Variants in GRHL2 observed in about 807,000 individuals in gnomAD.
The protein encoded by GRHL2 is grainyhead-like protein 2 homolog.
GRHL2 carries 21 observed loss-of-function variants against 83.8 expected under a neutral mutation model. That is an observed-to-expected ratio of 0.25 (90% confidence interval 0.18 to 0.36). The LOEUF is 0.36. GRHL2 is among the 10% of genes least tolerant of loss of function. GRHL2 has a pLI of 1.00. For missense variants in GRHL2, 623 were observed against 781.8 expected (o/e 0.80, Z 2.42); for synonymous variants, 280 against 278.9 (o/e 1.00, Z -0.04).
chr8:101,596,591 G>A (rs1480345199), intron 7 of GRHL2, among the ~76,000 whole-genome samples: 1 of 152,168 alleles, frequency 6.6e-6, no homozygotes, highest in Non-Finnish European at 1.5e-5. Flanking sequence ...GCCATTAAAA[G>A]TAATTTTACA....
At chr8:101,616,166 T>TTC (rs779881380) in intron 8 of GRHL2, among the ~76,000 whole-genome samples, 8 of 149,794 alleles carry the variant, frequency 5.3e-5, no homozygotes, top group African/African-American at 1.7e-4. Context: ...CTTCCTTCCT[T>TTC]TCTCTCTCTC....
At chr8:101,638,712 A>G (rs1813339130) in intron 12 of GRHL2, among the ~76,000 whole-genome samples, 1 of 152,274 alleles carries the variant, frequency 6.6e-6, no homozygotes. Context: ...AATTTTCTAA[A>G]TGCCTAATTA....
intron 14 of GRHL2, among the ~76,000 whole-genome samples, chr8:101,652,182 T>A (rs1813635938): frequency 6.6e-6 from 1 of 151,444 alleles, no homozygotes; most frequent in Admixed American, 6.6e-5. Flanking sequence ...GCCTTACTAG[T>A]GCACGACACT....
At chr8:101,615,969 A>T (rs755871232) in intron 8 of GRHL2, among the ~76,000 whole-genome samples, 7 of 152,126 alleles carry the variant, frequency 4.6e-5, no homozygotes, top group Non-Finnish European at 7.4e-5. Flanking sequence ...CAAAATACTT[A>T]CACCATGGAA....
intron 13 of GRHL2, among the ~76,000 whole-genome samples, chr8:101,645,110 T>C (rs1813482929): frequency 6.9e-6 from 1 of 144,380 alleles, no homozygotes; most frequent in East Asian, 2.1e-4. Context: ...CTGCCAGCAG[T>C]ACAGAATTTT....
At chr8:101,508,880 A>C (rs1810392568) in intron 1 of GRHL2, among the ~76,000 whole-genome samples, 1 of 152,182 alleles carries the variant, frequency 6.6e-6, no homozygotes. Flanking sequence ...AATTAGAAAA[A>C]ACATAATTTA....
chr8:101,542,820 G>C (rs757330596), intron 1 of GRHL2: 37 of 456,740 alleles, frequency 8.1e-5, no homozygotes, highest in South Asian at 3.4e-4. Context: ...GATGGAAAGA[G>C]AGCAAGAGGG....
intron 1 of GRHL2, among the ~76,000 whole-genome samples, chr8:101,514,500 C>T (rs556724618): frequency 2.0e-5 from 3 of 152,304 alleles, no homozygotes; most frequent in African/African-American, 7.2e-5. Flanking sequence ...TCTAAGAAAG[C>T]TTCCTCAAAG....
chr8:101,670,531 G>A (rs1209384610), downstream of GRHL2, among the ~76,000 whole-genome samples: 3 of 152,204 alleles, frequency 2.0e-5, no homozygotes, highest in African/African-American at 7.2e-5. Flanking sequence ...AGAGTCTTCT[G>A]GAGAGATCCT....
intron 8 of GRHL2, among the ~76,000 whole-genome samples, chr8:101,606,553 A>G (rs887433131): frequency 6.6e-6 from 1 of 152,180 alleles, no homozygotes; most frequent in Non-Finnish European, 1.5e-5. Flanking sequence ...ATATTTGTAA[A>G]TCCACTTTAA....
At chr8:101,675,460 C>T in the GRHL2 span, among the ~76,000 whole-genome samples, 17,052 of 150,788 alleles carry the variant, frequency 0.11, 1,051 homozygotes, top group South Asian at 0.2. Context: ...CCATTCACAA[C>T]TGCTTCAGAG....
intron 12 of GRHL2, among the ~76,000 whole-genome samples, chr8:101,641,653 G>A (rs35628299): frequency 0.096 from 14,573 of 152,056 alleles, 1,378 homozygotes; most frequent in African/African-American, 0.25. Context: ...ATGTGCTGCC[G>A]GGCCTAGAAT....
At chr8:101,536,977 A>T (rs11776725) in intron 1 of GRHL2, among the ~76,000 whole-genome samples, 82,211 of 149,812 alleles carry the variant, frequency 0.55, 22,984 homozygotes, top group Non-Finnish European at 0.59. Flanking sequence ...TGTCTCTTTG[A>T]GTCCATTTGT....
At chr8:101,634,886 G>A (rs1278373125) in intron 11 of GRHL2, among the ~76,000 whole-genome samples, 1 of 152,150 alleles carries the variant, frequency 6.6e-6, no homozygotes, top group Non-Finnish European at 1.5e-5. Context: ...ATGTGCAGGT[G>A]CTATGGAGCC....
rs35280910 is a variant in GRHL2 at position 101,560,176 on chromosome 8, T to TTGTG, written c.678+1390_678+1393dup. On this transcript the variant is annotated intron_variant, in intron 4 of 15. Transcript: ENST00000646743. ...GTGCACCACCATGCCTGGCTAAATT[T>TTGTG]TGTGTGTGTGTGTGTGTGTGTGTGT... is the stretch of plus-strand genomic sequence containing the variant. Among the ~76,000 whole-genome samples, 82 of 149,060 alleles carry TTGTG rather than the reference T, an allele frequency of 5.5e-4. 1 individual carries two copies. The highest frequency in any genetic ancestry group is 5.0e-3 in the South Asian group (23 of 4,612).
intron 8 of GRHL2, 142 bp from the exon 9 acceptor site, chr8:101,619,397 T>G (rs1812917990): frequency 1.4e-6 from 1 of 698,842 alleles, no homozygotes; most frequent in Non-Finnish European, 2.5e-6. Flanking sequence ...TCAGCATGTT[T>G]TTATGTGAAA....
chr8:101,647,037 C>T lies in GRHL2; in HGVS notation c.1613-2377C>T, dbSNP rs151148106. 3.4e-3 allele frequency among the ~76,000 whole-genome samples: 523 copies of T among 152,282 alleles called. 7 individuals carry two copies. Among genetic ancestry groups the T allele is most frequent in the African/African-American group, 0.012 (497 of 41,548 alleles). On this transcript the variant is annotated intron_variant, in intron 13 of 15. Transcript: ENST00000646743. ...AGCAGCCATATCATTTCAAAGACCACGATTTCAAAAGAGGAGATTTGTAAA... is the reference window on the plus strand; with the variant it reads ...AGCAGCCATATCATTTCAAAGACCATGATTTCAAAAGAGGAGATTTGTAAA...
chr8:101,498,574 A>C (rs1030776136), intron 1 of GRHL2, among the ~76,000 whole-genome samples: 14 of 152,172 alleles, frequency 9.2e-5, no homozygotes, highest in Admixed American at 7.9e-4. Context: ...TGGTAGCTTG[A>C]AGTATTACTC....
chr8:101,501,013 GAGC>G (rs1221349390), intron 1 of GRHL2, among the ~76,000 whole-genome samples: 1 of 152,164 alleles, frequency 6.6e-6, no homozygotes, highest in African/African-American at 2.4e-5. Flanking sequence ...TTTGTAAAAA[GAGC>G]ACCTTTTGAT....
Sources: allele counts gnomAD v4.1 joint callset (sites outside exome capture counted in the v4.1 genomes callset), GRCh38; gene constraint gnomAD v4.1.1; transcripts MANE v1.5; gene names NCBI Gene and HGNC (gene_info 2026-07-23, HGNC 2026-07-21).